LUC7L3: variants seen among roughly 807,000 people sequenced by gnomAD.
LUC7L3 encodes the protein LUC7 like 3 pre-mRNA splicing factor, also known as luc7-like protein 3.
Under a neutral mutation model 66.8 loss-of-function variants are expected in LUC7L3, and 6 were observed. That is an observed-to-expected ratio of 0.09 (90% CI 0.05 to 0.18). The LOEUF (loss-of-function observed/expected upper bound fraction) is 0.18. LUC7L3 is among the 10% of genes least tolerant of loss of function. The probability of loss-of-function intolerance (pLI) is 1.00; values close to 1 mark genes in which losing one functional copy is unlikely to be tolerated. For synonymous variants in LUC7L3, 160 were observed against 174.7 expected, an observed-to-expected ratio of 0.92 and a Z score of 0.66; for missense variants, 341 against 531.1, an observed-to-expected ratio of 0.64 and a Z score of 3.52.
rs1033844484 is a variant in LUC7L3, at chr17:50,719,664, G to A, written c.-69G>A. 2 of 1,332,154 alleles carry A rather than the reference G, an allele frequency of 1.5e-6. No individual in the cohort carries two copies. The highest frequency in any genetic ancestry group is 2.9e-5 in the African/African-American group (2 of 68,886). 82.5% of individuals were successfully genotyped at this position (1,332,154 alleles called of 1,614,324 possible). A position where few individuals can be genotyped will look rare whatever the true frequency, so the allele number is the denominator to read the frequency against. ...CTGAGAGCGGGCCGAGGAGATTGGC[G>A]ACGGTGTCGCCCGTGTTTTCGTTGG... On this transcript the variant is annotated 5_prime_UTR_variant, in exon 1 of 10. Transcript: ENST00000505658.
chr17:50,728,615 C>A (rs1334217721), intron 1 of LUC7L3, among the ~76,000 whole-genome samples: 1 of 152,134 alleles, frequency 6.6e-6, no homozygotes, highest in Admixed American at 6.5e-5. Context: ...TGCAGTGGCG[C>A]GATCTCAGCT....
chr17:50,745,635 C>G, intron 7 of LUC7L3, 85 bp from the exon 8 acceptor site: 1 of 1,051,354 alleles, frequency 9.5e-7, no homozygotes, highest in East Asian at 2.4e-5. Flanking sequence ...ATAAGTTGGT[C>G]TACAGATAAC....
rs1970956371 is a variant in LUC7L3 at position 50,751,063 on chromosome 17, G to A, written c.*402G>A. On this transcript the variant is annotated 3_prime_UTR_variant, in exon 10 of 10. Transcript: ENST00000505658. ...TTTGGTATTAAGTCCATCTTGTGTTGGTACATTGGCAGAGACATATGCTTT... is the reference window on the plus strand; with the variant it reads ...TTTGGTATTAAGTCCATCTTGTGTTAGTACATTGGCAGAGACATATGCTTT... 7.0e-6 allele frequency: 10 copies of A among 1,431,538 alleles called. No homozygotes were observed. The highest frequency in any genetic ancestry group is 2.5e-5 in the East Asian group (1 of 39,848). The allele number at this position is 1,431,538 out of a possible 1,614,324, so 88.7% of individuals were successfully genotyped here.
At chr17:50,725,573 TATG>T (rs1229898313) in intron 1 of LUC7L3, among the ~76,000 whole-genome samples, 2 of 152,176 alleles carry the variant, frequency 1.3e-5, no homozygotes, top group Non-Finnish European at 2.9e-5. Flanking sequence ...CATAACAGAA[TATG>T]ATAAATCCTA....
chr17:50,744,655 A>T lies in LUC7L3; in HGVS notation c.535A>T (p.Ile179Phe). The change falls in exon 7 of 10, where the codon ATT becomes TTT. Residue 179 changes from isoleucine to phenylalanine, a missense_variant. Transcript: ENST00000505658. Reference protein sequence around the residue: ...RELLRSTTSTIESFAAQEKQM... With the variant: ...RELLRSTTSTFESFAAQEKQM... ...AATAACTGATTTATCATTTTAGACA[A>T]TTGAAAGCTTTGCTGCACAAGAAAA... The T allele has an allele frequency of 6.2e-7, 1 of 1,610,300 alleles. No individual in the cohort carries two copies. The highest frequency in any genetic ancestry group is 8.5e-7 in the Non-Finnish European group (1 of 1,179,010).
chr17:50,736,053 A>T (rs1268486535), intron 1 of LUC7L3, among the ~76,000 whole-genome samples: 2 of 152,198 alleles, frequency 1.3e-5, no homozygotes, highest in Admixed American at 1.3e-4. Context: ...CAATTGCTTG[A>T]ACCTGGGAGG....
chr17:50,735,495 C>G (rs1969924335), intron 1 of LUC7L3, among the ~76,000 whole-genome samples: 1 of 150,110 alleles, frequency 6.7e-6, no homozygotes, highest in Non-Finnish European at 1.5e-5. Context: ...TTTGCCTTTC[C>G]TTTCTTTTTC....
At chr17:50,731,782 A>C (rs886963634) in intron 1 of LUC7L3, among the ~76,000 whole-genome samples, 15 of 152,260 alleles carry the variant, frequency 9.9e-5, no homozygotes, top group African/African-American at 3.6e-4. Context: ...TGATGGGGTG[A>C]TTGGACTAGA....
intron 2 of LUC7L3, among the ~76,000 whole-genome samples, chr17:50,737,929 A>C (rs1470386658): frequency 6.6e-6 from 1 of 152,198 alleles, no homozygotes; most frequent in African/African-American, 2.4e-5. Flanking sequence ...TACATAAAAG[A>C]AGTCAATTCA....
At chr17:50,750,265 C>T (rs558420805) in intron 9 of LUC7L3, among the ~76,000 whole-genome samples, 17 of 152,250 alleles carry the variant, frequency 1.1e-4, no homozygotes, top group Admixed American at 1.0e-3. Flanking sequence ...TTAATAGCTT[C>T]TCACCAATTG....
At position 50,755,397 on chromosome 17, in the gene LUC7L3, C is replaced by T. The variant is rs941716807; in HGVS notation, c.*4736C>T. On this transcript the variant is annotated 3_prime_UTR_variant, in exon 10 of 10. Coordinates refer to ENST00000505658, the MANE Select transcript of LUC7L3 (RefSeq NM_016424.5). ...ATGTTCTGAGTCTTGCTGTTTTTAC[C>T]TGGTAATATTTAGAAACATTTATTT... 2 of 152,092 alleles carry T rather than the reference C, an allele frequency of 1.3e-5. No homozygotes were observed. Among genetic ancestry groups the T allele is most frequent in the Non-Finnish European group, 1.5e-5 (1 of 68,032 alleles). The allele number at this position is 152,092 out of a possible 1,614,324, so 9.4% of individuals were successfully genotyped here. A position where few individuals can be genotyped will look rare whatever the true frequency, so the allele number is the denominator to read the frequency against.
chr17:50,726,431 C>G (rs1299307306), intron 1 of LUC7L3, among the ~76,000 whole-genome samples: 1 of 152,174 alleles, frequency 6.6e-6, no homozygotes, highest in South Asian at 2.1e-4. Context: ...CTTGGCCTCC[C>G]AAAGTGCTGG....
intron 1 of LUC7L3, among the ~76,000 whole-genome samples, chr17:50,731,313 C>T (rs1969592190): frequency 6.6e-6 from 1 of 152,060 alleles, no homozygotes; most frequent in African/African-American, 2.4e-5. Context: ...GGATTACAGG[C>T]ACTTGCCATT....
At chr17:50,720,389 C>T (rs1031668955) in intron 1 of LUC7L3, among the ~76,000 whole-genome samples, 2 of 152,354 alleles carry the variant, frequency 1.3e-5, no homozygotes, top group South Asian at 2.1e-4. Context: ...CTTATAGAGG[C>T]AGCTGTCAAG....
At chr17:50,749,759 G>T (rs1970892512) in intron 9 of LUC7L3, among the ~76,000 whole-genome samples, 1 of 152,198 alleles carries the variant, frequency 6.6e-6, no homozygotes, top group Admixed American at 6.5e-5. Context: ...GAAAAGGCTA[G>T]ACTATGCTTG....
In LUC7L3 at chr17:50,745,763, G is replaced by T. The variant is rs146274793; in HGVS notation, c.737G>T (p.Arg246Leu). 5 of 1,594,934 alleles carry T rather than the reference G, an allele frequency of 3.1e-6. No homozygotes were observed. The East Asian group carries it at 8.9e-5, about 29-fold the overall frequency. ...KRTEEPDRDE[R>L]LKKEKQEREE... Reference sequence around the variant, plus strand: ...ACCGAAGAACCTGATCGTGATGAGCGTCTAAAAAAGGAGAAGCAAGAAAGA... The same window carrying T: ...ACCGAAGAACCTGATCGTGATGAGCTTCTAAAAAAGGAGAAGCAAGAAAGA... Residue 246 changes from arginine (R) to leucine (L), a missense_variant, in exon 8 of 10, where the codon CGT becomes CTT. This residue lies in a region of LUC7L3 where 210 missense variants were observed against 238.1 expected (regional missense o/e 0.88). Coordinates refer to ENST00000505658, the MANE Select transcript of LUC7L3 (RefSeq NM_016424.5).
chr17:50,733,398 G>GTTTTTTT (rs35236108), intron 1 of LUC7L3, among the ~76,000 whole-genome samples: 3 of 98,330 alleles, frequency 3.1e-5, no homozygotes, highest in Admixed American at 1.2e-4. Flanking sequence ...CGCCTGGCTA[G>GTTTTTTT]TTTTTTTTTT....
At chr17:50,726,946 A>T (rs1426373639) in intron 1 of LUC7L3, among the ~76,000 whole-genome samples, 1 of 152,018 alleles carries the variant, frequency 6.6e-6, no homozygotes, top group African/African-American at 2.4e-5. Flanking sequence ...AAAATTAGCC[A>T]GGCGTTGTGG....
intron 4 of LUC7L3, 139 bp downstream of exon 4, chr17:50,741,385 T>G: frequency 1.1e-6 from 1 of 878,874 alleles, no homozygotes; most frequent in Non-Finnish European, 1.7e-6. Flanking sequence ...GCATTCATTT[T>G]TTTTCCAGTC....
Sources: gnomAD v4.1 joint callset for allele counts (sites outside exome capture counted in the v4.1 genomes callset) on GRCh38, gnomAD v4.1.1 for gene constraint, gnomAD v4.1.1 regional missense constraint, MANE v1.5 for transcripts, NCBI Gene and HGNC (gene_info 2026-07-23, HGNC 2026-07-21) for gene names.